The following SAMD3 variants were observed in gnomAD, a reference collection of about 807,000 sequenced individuals.
SAMD3 encodes sterile alpha motif domain-containing protein 3.
SAMD3 carries 63 observed loss-of-function variants against 58.5 expected under a neutral mutation model. The observed-to-expected ratio is 1.08, with a 90% CI of 0.88 to 1.33. SAMD3 has a LOEUF of 1.33. Among genes scored for constraint, SAMD3 ranks in the 40% most tolerant of loss-of-function variants. SAMD3 has a pLI of 0.00. For missense variants in SAMD3, 604 were observed against 608.4 expected, an observed-to-expected ratio of 0.99 and a Z score of 0.08; for synonymous variants, 220 against 210.3, an observed-to-expected ratio of 1.05 and a Z score of -0.40.
upstream of SAMD3, among the ~76,000 whole-genome samples, chr6:130,224,840 G>A (rs1237144712): frequency 6.6e-6 from 1 of 151,682 alleles, no homozygotes; most frequent in East Asian, 1.9e-4. Context: ...GGATGATCTC[G>A]ATCTCCTGAC....
chr6:130,165,266 G>A (rs909380497), intron 8 of SAMD3, among the ~76,000 whole-genome samples: 2 of 152,046 alleles, frequency 1.3e-5, no homozygotes, highest in Non-Finnish European at 2.9e-5. Flanking sequence ...AACGCTTAAA[G>A]CAAAACAGAA....
At chr6:130,145,572 A>G (rs1228674127) in intron 10 of SAMD3, 150 bp from the exon 11 acceptor site, 3 of 543,738 alleles carry the variant, frequency 5.5e-6, no homozygotes, top group East Asian at 2.9e-5. Context: ...TTTTTAAACC[A>G]TACCCTCTTC....
At position 130,144,584 on chromosome 6, in the gene SAMD3, CTG is replaced by C; in HGVS notation, c.1497_1498del (p.His499GlnfsTer45). ...TTCTTTCAAAGAAGGAAAATAAGGACTGTGCATATCGAAAATCAGCGTTTCTA... is the reference window on the plus strand; with the variant it reads ...TTCTTTCAAAGAAGGAAAATAAGGACTGCATATCGAAAATCAGCGTTTCTA... On this transcript the variant is annotated frameshift_variant, in exon 12 of 12. Transcript: ENST00000439090. LOFTEE classifies it high-confidence loss of function. 6.2e-7 allele frequency: 1 copy of C among 1,614,122 alleles called. No individual in the cohort carries two copies. Among genetic ancestry groups the C allele is most frequent in the Non-Finnish European group, 8.5e-7 (1 of 1,179,998 alleles).
intron 5 of SAMD3, 82 bp from the exon 6 acceptor site, chr6:130,184,705 T>C (rs1489828303): frequency 3.3e-6 from 4 of 1,207,908 alleles, no homozygotes; most frequent in East Asian, 2.5e-5. Flanking sequence ...TGAGAACTTA[T>C]GAAATAAACA....
intron 7 of SAMD3, among the ~76,000 whole-genome samples, chr6:130,176,674 C>T (rs1791761625): frequency 2.0e-5 from 3 of 152,156 alleles, no homozygotes; most frequent in Non-Finnish European, 4.4e-5. Flanking sequence ...TAAAAGCCTT[C>T]CTGTAGGAAG....
chr6:130,197,799 A>G (rs1310643127), intron 5 of SAMD3, among the ~76,000 whole-genome samples: 1 of 152,036 alleles, frequency 6.6e-6, no homozygotes, highest in Non-Finnish European at 1.5e-5. Flanking sequence ...TATTTTTCTT[A>G]TTAATATAAG....
chr6:130,299,404 A>G lies in SAMD3; in HGVS notation c.-188+13574T>C, dbSNP rs142880021. 2.2e-3 allele frequency among the ~76,000 whole-genome samples: 333 copies of G among 152,278 alleles called. 1 individual carries two copies. The highest frequency in any genetic ancestry group is 7.6e-3 in the African/African-American group (317 of 41,578). On this transcript the variant is annotated intron_variant, in intron 2 of 13. Transcript: ENST00000368134. ...ACAAAATTAACGCAGAAATATAAAAATATTTTGAAACAAATGAGAATGGAG... is the reference window on the plus strand; with the variant it reads ...ACAAAATTAACGCAGAAATATAAAAGTATTTTGAAACAAATGAGAATGGAG...
rs1436568052 is a variant in SAMD3, at chr6:130,154,931, T to G, written c.917A>C (p.Asp306Ala). The stretch of plus-strand genomic sequence containing the variant: ...TTCCAAAGTTTGGCTCATTCTCTTG[T>G]CAATTTCTCTCCAGTCCTTTTCTGT... ...VKTEKDWREI[D>A]KRMSQTLEIR... Residue 306 changes from aspartate to alanine, a missense_variant, in exon 9 of 12, where the codon GAC becomes GCC. Physicochemically the swap from Asp to Ala is moderately radical, Grantham distance 126. Coordinates refer to ENST00000439090, the MANE Select transcript of SAMD3 (RefSeq NM_001017373.4). 6.2e-7 allele frequency: 1 copy of G among 1,613,580 alleles called. No individual in the cohort carries two copies. Among genetic ancestry groups the G allele is most frequent in the South Asian group, 1.1e-5 (1 of 91,066 alleles).
At chr6:130,351,794 CA>C (rs1777677470) in intron 1 of SAMD3, among the ~76,000 whole-genome samples, 1 of 152,062 alleles carries the variant, frequency 6.6e-6, no homozygotes, top group Non-Finnish European at 1.5e-5. Context: ...TTCACAATAG[CA>C]AAGATTTGGA....
In SAMD3 at chr6:130,365,168, G is replaced by C. The variant is rs1473502478; in HGVS notation, c.-352C>G. 6.1e-6 allele frequency: 6 copies of C among 985,156 alleles called. No homozygotes were observed. In the East Asian group the frequency reaches 4.5e-4, roughly 74 times the overall value. The allele number at this position is 985,156 out of a possible 1,614,324, so 61.0% of individuals were successfully genotyped here. A position where few individuals can be genotyped will look rare whatever the true frequency, so the allele number is the denominator to read the frequency against. ...TCATCACCGTCTTTGCCGAATTAGA[G>C]ACGACATATTTTACTCTGTGAACAG... On this transcript the variant is annotated 5_prime_UTR_variant, in exon 1 of 14. Transcript: ENST00000368134.
chr6:130,356,713 C>G (rs1777840622), intron 1 of SAMD3, among the ~76,000 whole-genome samples: 1 of 152,180 alleles, frequency 6.6e-6, no homozygotes, highest in South Asian at 2.1e-4. Context: ...TGCTAGTTTT[C>G]CTTTTTTCTC....
chr6:130,201,263 G>C (rs566138682), intron 5 of SAMD3, among the ~76,000 whole-genome samples: 1 of 151,980 alleles, frequency 6.6e-6, no homozygotes. Context: ...GAATCTCTTT[G>C]ATTATTCCCT....
At chr6:130,221,002 C>T (rs1582966816) in intron 1 of SAMD3, among the ~76,000 whole-genome samples, 1 of 152,150 alleles carries the variant, frequency 6.6e-6, no homozygotes, top group Admixed American at 6.5e-5. Context: ...TACGGGTGCC[C>T]ACCACCACGC....
intron 1 of SAMD3, among the ~76,000 whole-genome samples, chr6:130,344,414 C>T (rs13362726): frequency 0.41 from 62,381 of 151,940 alleles, 13,980 homozygotes; most frequent in African/African-American, 0.59. Context: ...CAGAGTCTCG[C>T]TCTGTCGCCC....
Position 130,214,278 on chromosome 6 carries a change from C to G in SAMD3, c.269+59G>C, listed in dbSNP as rs1170371513. Reference sequence around the variant, plus strand: ...GGGCTTTAAACCCAAACGTCACGCTCTAGCCATCATTGGGAAAGCTTGGGA... The same window carrying G: ...GGGCTTTAAACCCAAACGTCACGCTGTAGCCATCATTGGGAAAGCTTGGGA... On this transcript the variant is annotated intron_variant, in intron 4 of 11. Transcript: ENST00000439090. The G allele has an allele frequency of 2.8e-6, 4 of 1,404,694 alleles. No homozygotes were observed. In the African/African-American group the frequency reaches 5.8e-5, roughly 21 times the overall value. 87.0% of individuals were successfully genotyped at this position (1,404,694 alleles called of 1,614,324 possible).
chr6:130,183,211 T>C (rs1414752878), intron 7 of SAMD3: 8 of 374,254 alleles, frequency 2.1e-5, no homozygotes, highest in Non-Finnish European at 2.0e-5. Flanking sequence ...CTAGGAATCC[T>C]AATGTGCAAC....
In SAMD3 at chr6:130,219,672, T is replaced by C. The variant is rs1280506228; in HGVS notation, c.-68+3022A>G. On this transcript the variant is annotated intron_variant, in intron 1 of 11. Transcript: ENST00000439090. Reference sequence around the variant, plus strand: ...CTGCGAATGCCATTAATTCATTCCTTTTTATGGTTGAGTAGTATTCTATCG... The same window carrying C: ...CTGCGAATGCCATTAATTCATTCCTCTTTATGGTTGAGTAGTATTCTATCG... 4.6e-5 allele frequency among the ~76,000 whole-genome samples: 7 copies of C among 152,322 alleles called. No individual in the cohort carries two copies. The East Asian group carries it at 5.8e-4, about 13-fold the overall frequency.
At chr6:130,191,616 C>T (rs1240676472) in intron 5 of SAMD3, among the ~76,000 whole-genome samples, 1 of 140,144 alleles carries the variant, frequency 7.1e-6, no homozygotes, top group Non-Finnish European at 1.6e-5. Context: ...AAAACTGTTG[C>T]TTCCTTCCTT....
intron 1 of SAMD3, among the ~76,000 whole-genome samples, chr6:130,316,764 A>G (rs1421363019): frequency 6.6e-6 from 1 of 152,234 alleles, no homozygotes; most frequent in East Asian, 1.9e-4. Flanking sequence ...CTGAGGGATC[A>G]TAATGGGATC....
Sources: gnomAD v4.1 joint callset for allele counts (sites outside exome capture counted in the v4.1 genomes callset) on GRCh38, gnomAD v4.1.1 for gene constraint, MANE v1.5 for transcripts, NCBI Gene and HGNC (gene_info 2026-07-23, HGNC 2026-07-21) for gene names.